Variants in OR5AN1 observed in about 807,000 individuals in gnomAD.
OR5AN1 encodes the protein olfactory receptor family 5 subfamily AN member 1, also known as olfactory receptor 5AN1.
For synonymous variants in OR5AN1, 167 were observed against 131.8 expected (o/e 1.27, Z -1.83); for missense variants, 476 against 368.9 (o/e 1.29, Z -2.38).
rs1857437700 is a variant in OR5AN1, at chr11:59,359,189, T to C, written c.-97T>C. The stretch of plus-strand genomic sequence containing the variant: ...TCTTCCCACTTCCTCACTTCCACAT[T>C]CTGTACCTAAAGCTCTTCGTTGGAT... On this transcript the variant is annotated 5_prime_UTR_variant, in exon 1 of 2. Transcript: ENST00000641998. 6.6e-6 allele frequency: 1 copy of C among 152,138 alleles called. No homozygotes were observed. The highest frequency in any genetic ancestry group is 2.4e-5 in the African/African-American group (1 of 41,430). 9.4% of individuals were successfully genotyped at this position (152,138 alleles called of 1,614,324 possible).
chr11:59,365,117 G>T lies in OR5AN1; in HGVS notation c.659G>T (p.Gly220Val), dbSNP rs1565053468. 3 of 1,614,022 alleles carry T rather than the reference G, an allele frequency of 1.9e-6. No individual in the cohort carries two copies. In the South Asian group the frequency reaches 3.3e-5, roughly 18 times the overall value. Residue 220 changes from glycine to valine, a missense_variant, in exon 2 of 2, where the codon GGC becomes GTC. By Grantham distance (109) the Gly-to-Val change is moderately radical. Transcript: ENST00000641998. ...GCCCTAGTTATCATGATATCCTATG[G>T]CTATATTGGCATCTCCATCATGAAG... is the stretch of plus-strand genomic sequence containing the variant. Reference protein sequence around the residue: ...ASALVIMISYGYIGISIMKIT... With the variant: ...ASALVIMISYVYIGISIMKIT...
Position 59,365,150 on chromosome 11 carries a change from C to A in OR5AN1, c.692C>A (p.Ser231Ter). 1 of 1,614,046 alleles carries A rather than the reference C, an allele frequency of 6.2e-7. No homozygotes were observed. The highest frequency in any genetic ancestry group is 8.5e-7 in the Non-Finnish European group (1 of 1,179,960). Residue 231 changes from serine (S) to a stop codon, truncating the protein, a stop_gained, in exon 2 of 2, where the codon TCA becomes TAA. Coordinates refer to ENST00000641998, the MANE Select transcript of OR5AN1 (RefSeq NM_001004729.2). LOFTEE classifies it low-confidence loss of function (END_TRUNC). ...YIGISIMKIT[S>*]AKGRSKAFNT... ...GGCATCTCCATCATGAAGATCACTTCAGCTAAAGGCAGGTCCAAGGCATTC... is the reference window on the plus strand; with the variant it reads ...GGCATCTCCATCATGAAGATCACTTAAGCTAAAGGCAGGTCCAAGGCATTC...
Position 59,363,766 on chromosome 11 carries a change from TTTG to T in OR5AN1, c.-13-667_-13-665del, listed in dbSNP as rs199829735. Among the ~76,000 whole-genome samples the T allele has an allele frequency of 3.1e-3, 472 of 152,198 alleles. 2 individuals carry two copies. Among genetic ancestry groups the T allele is most frequent in the African/African-American group, 0.011 (449 of 41,522 alleles). On this transcript the variant is annotated intron_variant, in intron 1 of 1. Transcript: ENST00000641998. The stretch of plus-strand genomic sequence containing the variant: ...GGATGCCATTTAAACTTTCATAATT[TTTG>T]TTGTTGTTGTTGAAACAGAGTCTCA...
rs1215700116 is a variant in OR5AN1, at chr11:59,369,632, A to G, written c.*4238A>G. ...TGGGTTATGTAAACAGGCCAAATCT[A>G]CAAGTAATTGACATCACTGAAAGGG... On this transcript the variant is annotated 3_prime_UTR_variant, in exon 2 of 2. Coordinates refer to ENST00000641998, the MANE Select transcript of OR5AN1 (RefSeq NM_001004729.2). 6.6e-6 allele frequency: 1 copy of G among 152,228 alleles called. No individual in the cohort carries two copies. The highest frequency in any genetic ancestry group is 1.5e-5 in the Non-Finnish European group (1 of 68,034). 9.4% of individuals were successfully genotyped at this position (152,228 alleles called of 1,614,324 possible).
At chr11:59,363,788 A>T (rs1242526067) in intron 1 of OR5AN1, among the ~76,000 whole-genome samples, 1 of 152,166 alleles carries the variant, frequency 6.6e-6, no homozygotes, top group Non-Finnish European at 1.5e-5. Flanking sequence ...GTTGAAACAG[A>T]GTCTCACTCT....
Position 59,364,549 on chromosome 11 carries a change from A to G in OR5AN1, c.91A>G (p.Ile31Val), listed in dbSNP as rs143732333. ...CAGGATCATAAAAGTGCTCTTCACT[A>G]TATTCCTGGTGATCTACATTACATC... ...FPRIIKVLFT[I>V]FLVIYITSLA... The change falls in exon 2 of 2, where the codon ATA (isoleucine) becomes GTA (valine). Residue 31 changes from isoleucine to valine, a missense_variant. Coordinates refer to ENST00000641998, the MANE Select transcript of OR5AN1 (RefSeq NM_001004729.2). 10 of 1,613,782 alleles carry G rather than the reference A, an allele frequency of 6.2e-6. No homozygotes were observed. The highest frequency in any genetic ancestry group is 4.0e-5 in the African/African-American group (3 of 74,906).
At position 59,365,730 on chromosome 11, in the gene OR5AN1, C is replaced by T; in HGVS notation, c.*336C>T. 4.6e-6 allele frequency: 1 copy of T among 218,810 alleles called. No homozygotes were observed. The highest frequency in any genetic ancestry group is 9.6e-5 in the South Asian group (1 of 10,384). The allele number at this position is 218,810 out of a possible 1,614,324, so 13.6% of individuals were successfully genotyped here. ...GTGGCTTCTCAGATCAAAGATGGCT[C>T]AATGTTAGGACTTTGCCACTACAGA... On this transcript the variant is annotated 3_prime_UTR_variant, in exon 2 of 2. Coordinates refer to ENST00000641998, the MANE Select transcript of OR5AN1 (RefSeq NM_001004729.2).
rs1857585703 is a variant in OR5AN1, at chr11:59,370,762, G to A, written c.*5368G>A. The A allele has an allele frequency of 6.6e-6, 1 of 152,152 alleles. No homozygotes were observed. Among genetic ancestry groups the A allele is most frequent in the Admixed American group, 6.6e-5 (1 of 15,262 alleles). The allele number at this position is 152,152 out of a possible 1,614,324, so 9.4% of individuals were successfully genotyped here. A position where few individuals can be genotyped will look rare whatever the true frequency, so the allele number is the denominator to read the frequency against. On this transcript the variant is annotated 3_prime_UTR_variant, in exon 2 of 2. Transcript: ENST00000641998. ...AGGAAGGCTCTGCAGTCCAGTTAAG[G>A]AGCTGCAGCAACACAGTGAAGACAA...
In OR5AN1 at chr11:59,366,706, T is replaced by A. The variant is rs1299567915; in HGVS notation, c.*1312T>A. 1.3e-5 allele frequency: 2 copies of A among 152,252 alleles called. No individual in the cohort carries two copies. Among genetic ancestry groups the A allele is most frequent in the East Asian group, 3.8e-4 (2 of 5,206 alleles). 9.4% of individuals were successfully genotyped at this position (152,252 alleles called of 1,614,324 possible). On this transcript the variant is annotated 3_prime_UTR_variant, in exon 2 of 2. Coordinates refer to ENST00000641998, the MANE Select transcript of OR5AN1 (RefSeq NM_001004729.2). Reference sequence around the variant, plus strand: ...GAGTTGTTTAGGATTATTGAGCTGATACTTATTCAAAACTCAGAATAGGGA... The same window carrying A: ...GAGTTGTTTAGGATTATTGAGCTGAAACTTATTCAAAACTCAGAATAGGGA...
At position 59,363,973 on chromosome 11, in the gene OR5AN1, G is replaced by A. The variant is rs552980123; in HGVS notation, c.-13-473G>A. 2.2e-4 allele frequency among the ~76,000 whole-genome samples: 33 copies of A among 152,210 alleles called. No homozygotes were observed. The South Asian group carries it at 6.4e-3, about 30-fold the overall frequency. On this transcript the variant is annotated intron_variant, in intron 1 of 1. Transcript: ENST00000641998. The stretch of plus-strand genomic sequence containing the variant: ...AGATGGGGTTTTGCCATTTTGGCCA[G>A]GCTGGTCTCAAACTCCTGATCTCAG...
At chr11:59,361,739 AG>A (rs1379903523) in intron 1 of OR5AN1, among the ~76,000 whole-genome samples, 2 of 152,204 alleles carry the variant, frequency 1.3e-5, no homozygotes, top group Non-Finnish European at 2.9e-5. Flanking sequence ...GATTCAGGAA[AG>A]TCTACTCTCT....
Position 59,365,567 on chromosome 11 carries a change from C to T in OR5AN1, c.*173C>T. Reference sequence around the variant, plus strand: ...ATATGGACCAACAGATGACTCAATGCCACAGACATCAGGATCTTTAGGTCC... The same window carrying T: ...ATATGGACCAACAGATGACTCAATGTCACAGACATCAGGATCTTTAGGTCC... On this transcript the variant is annotated 3_prime_UTR_variant, in exon 2 of 2. Transcript: ENST00000641998. 1 of 527,834 alleles carries T rather than the reference C, an allele frequency of 1.9e-6. No individual in the cohort carries two copies. The highest frequency in any genetic ancestry group is 3.3e-6 in the Non-Finnish European group (1 of 301,948). The allele number at this position is 527,834 out of a possible 1,614,324, so 32.7% of individuals were successfully genotyped here.
Position 59,366,606 on chromosome 11 carries a change from T to G in OR5AN1, c.*1212T>G, listed in dbSNP as rs1857537253. ...GCTCTGCCACCCCCAAGGTGTGTGA[T>G]GCTGGGCAAGCCACACAATCTTTTG... On this transcript the variant is annotated 3_prime_UTR_variant, in exon 2 of 2. Coordinates refer to ENST00000641998, the MANE Select transcript of OR5AN1 (RefSeq NM_001004729.2). 1 of 152,210 alleles carries G rather than the reference T, an allele frequency of 6.6e-6. No individual in the cohort carries two copies. Among genetic ancestry groups the G allele is most frequent in the African/African-American group, 2.4e-5 (1 of 41,444 alleles). 9.4% of individuals were successfully genotyped at this position (152,210 alleles called of 1,614,324 possible).
chr11:59,360,840 A>G (rs997309553), intron 1 of OR5AN1, among the ~76,000 whole-genome samples: 1 of 152,230 alleles, frequency 6.6e-6, no homozygotes, highest in Non-Finnish European at 1.5e-5. Flanking sequence ...TTCCAAGTTA[A>G]CAAAACCATA....
rs1229422951 is a variant in OR5AN1, at chr11:59,368,186, C to G, written c.*2792C>G. Reference sequence around the variant, plus strand: ...TGTCTTTGCTGTTTCACAGCCTTCACTGGTGACACCTCCAGGTTCTGGGAA... The same window carrying G: ...TGTCTTTGCTGTTTCACAGCCTTCAGTGGTGACACCTCCAGGTTCTGGGAA... On this transcript the variant is annotated 3_prime_UTR_variant, in exon 2 of 2. Transcript: ENST00000641998. 6.6e-6 allele frequency: 1 copy of G among 152,340 alleles called. No homozygotes were observed. Among genetic ancestry groups the G allele is most frequent in the Non-Finnish European group, 1.5e-5 (1 of 68,130 alleles). The allele number at this position is 152,340 out of a possible 1,614,324, so 9.4% of individuals were successfully genotyped here.
rs1261098237 is a variant in OR5AN1 at position 59,364,544 on chromosome 11, T to C, written c.86T>C (p.Phe29Ser). The change falls in exon 2 of 2, where the codon TTC (phenylalanine) becomes TCC (serine). Residue 29 changes from phenylalanine to serine, a missense_variant. Phe to Ser is a radical substitution (Grantham distance 155). Coordinates refer to ENST00000641998, the MANE Select transcript of OR5AN1 (RefSeq NM_001004729.2). Reference protein sequence around the residue: ...SDFPRIIKVLFTIFLVIYITS... With the variant: ...SDFPRIIKVLSTIFLVIYITS... ...TTTCCCAGGATCATAAAAGTGCTCT[T>C]CACTATATTCCTGGTGATCTACATT... 6.2e-7 allele frequency: 1 copy of C among 1,613,772 alleles called. No homozygotes were observed. Among genetic ancestry groups the C allele is most frequent in the Non-Finnish European group, 8.5e-7 (1 of 1,179,824 alleles).
rs756754946 is a variant in OR5AN1, at chr11:59,365,258, G to A, written c.800G>A (p.Gly267Asp). The stretch of plus-strand genomic sequence containing the variant: ...GTCTATTTGAGTTCCAGCTCTGGAG[G>A]TTCTTCAAGCTTTGACAGATTTGCA... Reference protein sequence around the residue: ...IFVYLSSSSGGSSSFDRFASV... With the variant: ...IFVYLSSSSGDSSSFDRFASV... Residue 267 changes from glycine (G) to aspartate (D), a missense_variant, in exon 2 of 2, where the codon GGT (glycine) becomes GAT (aspartate). Coordinates refer to ENST00000641998, the MANE Select transcript of OR5AN1 (RefSeq NM_001004729.2). 4 of 1,613,964 alleles carry A rather than the reference G, an allele frequency of 2.5e-6. No individual in the cohort carries two copies. Among genetic ancestry groups the A allele is most frequent in the South Asian group, 1.1e-5 (1 of 91,078 alleles).
rs1211460918 is a variant in OR5AN1 at position 59,367,630 on chromosome 11, G to C, written c.*2236G>C. 1 of 152,418 alleles carries C rather than the reference G, an allele frequency of 6.6e-6. No individual in the cohort carries two copies. The highest frequency in any genetic ancestry group is 1.5e-5 in the Non-Finnish European group (1 of 68,134). 9.4% of individuals were successfully genotyped at this position (152,418 alleles called of 1,614,324 possible). A position where few individuals can be genotyped will look rare whatever the true frequency, so the allele number is the denominator to read the frequency against. On this transcript the variant is annotated 3_prime_UTR_variant, in exon 2 of 2. Transcript: ENST00000641998. The stretch of plus-strand genomic sequence containing the variant: ...GAAGAGCTGGGCTGTCATCTTTGCT[G>C]TTCAGATGCCTTAGCTGTTCCGGCC...
rs1008407166 is a variant in OR5AN1, at chr11:59,364,914, T to C, written c.456T>C (p.Thr152=). 1.9e-6 allele frequency: 3 copies of C among 1,614,036 alleles called. No homozygotes were observed. In the East Asian group the frequency reaches 6.7e-5, roughly 36 times the overall value. The change falls in exon 2 of 2, where the codon ACT becomes ACC. Residue 152 remains threonine (T), a synonymous_variant. Transcript: ENST00000641998. Reference sequence around the variant, plus strand: ...GGATGGTACTGGGAGCCTACATGACTGGCCTCACTGCTTCTTTATTCCAAA... The same window carrying C: ...GGATGGTACTGGGAGCCTACATGACCGGCCTCACTGCTTCTTTATTCCAAA... ...CVWMVLGAYM[T]GLTASLFQIG... is the part of the protein sequence containing the mutation.
Sources: gnomAD v4.1 joint callset for allele counts (sites outside exome capture counted in the v4.1 genomes callset) on GRCh38, gnomAD v4.1.1 for gene constraint, MANE v1.5 for transcripts, NCBI Gene and HGNC (gene_info 2026-07-23, HGNC 2026-07-21) for gene names.